Variants in ANKRD36C observed in about 807,000 individuals in gnomAD.
ANKRD36C encodes the protein ankyrin repeat domain 36C.
In ANKRD36C, 61 loss-of-function variants were observed where a neutral mutation model predicts 276.4. The observed-to-expected ratio is 0.22, with a 90% CI of 0.18 to 0.27. The LOEUF (loss-of-function observed/expected upper bound fraction) is 0.27. Ranked by LOEUF, ANKRD36C falls within the 10% of genes least tolerant of loss-of-function variation. The pLI is 1.00. For missense variants in ANKRD36C, 1,447 were observed against 2,032.3 expected (o/e 0.71, Z 5.54); for synonymous variants, 483 against 680.1 (o/e 0.71, Z 4.51).
intron 42 of ANKRD36C, among the ~76,000 whole-genome samples, chr2:95,911,066 T>A (rs1676907144): frequency 6.6e-6 from 1 of 151,494 alleles, no homozygotes; most frequent in Non-Finnish European, 1.5e-5. Flanking sequence ...ACACTTCACA[T>A]CTCTTCAGTG....
chr2:95,938,386 G>A (rs981561050), intron 22 of ANKRD36C, among the ~76,000 whole-genome samples: 4 of 152,242 alleles, frequency 2.6e-5, no homozygotes, highest in East Asian at 1.9e-4. Context: ...AACTCAATCC[G>A]GTAATCAGAA....
At chr2:95,893,553 T>C in intron 44 of ANKRD36C, 2 of 1,551,940 alleles carry the variant, frequency 1.3e-6, no homozygotes, top group East Asian at 2.4e-5. Flanking sequence ...TTTTTCTCCA[T>C]CCTTTTTTTC....
chr2:95,909,547 A>T (rs1050713152), intron 42 of ANKRD36C, among the ~76,000 whole-genome samples: 23 of 103,108 alleles, frequency 2.2e-4, no homozygotes, highest in Admixed American at 1.1e-3. Flanking sequence ...TTTCTAAAAT[A>T]GCCTTGTTGG....
At chr2:95,924,543 A>G (rs962413193) in intron 30 of ANKRD36C, among the ~76,000 whole-genome samples, 6 of 151,664 alleles carry the variant, frequency 4.0e-5, no homozygotes, top group African/African-American at 1.5e-4. Context: ...CTGCTCTGGA[A>G]TATCATTGTA....
At chr2:95,924,521 T>A (rs1447474730) in intron 30 of ANKRD36C, among the ~76,000 whole-genome samples, 1 of 151,698 alleles carries the variant, frequency 6.6e-6, no homozygotes, top group East Asian at 1.9e-4. Flanking sequence ...TATTTTTGTC[T>A]GCAAAATTAG....
intron 6 of ANKRD36C, among the ~76,000 whole-genome samples, chr2:95,969,778 G>C (rs1416254485): frequency 6.6e-6 from 1 of 152,076 alleles, no homozygotes; most frequent in East Asian, 1.9e-4. Flanking sequence ...AAAGTAGGGT[G>C]ACTATAGTAC....
At chr2:95,987,396 G>T (rs1159447108) in intron 1 of ANKRD36C, among the ~76,000 whole-genome samples, 190 bp from the exon 2 acceptor site, 2 of 151,936 alleles carry the variant, frequency 1.3e-5, no homozygotes, top group Non-Finnish European at 2.9e-5. Context: ...GTTTAATTGG[G>T]GCTTAAAATT....
At chr2:95,973,248 C>T (rs1229321828) in intron 6 of ANKRD36C, among the ~76,000 whole-genome samples, 3 of 151,960 alleles carry the variant, frequency 2.0e-5, no homozygotes, top group African/African-American at 7.3e-5. Flanking sequence ...CCCGTCTCTA[C>T]TAAAAATATA....
intron 34 of ANKRD36C, 61 bp downstream of exon 34, chr2:95,921,546 G>GGTAGA: frequency 6.4e-7 from 1 of 1,558,526 alleles, no homozygotes; most frequent in Non-Finnish European, 8.7e-7. Flanking sequence ...ATTTATTCGG[G>GGTAGA]GTAGAGAAGT....
At chr2:95,954,295 G>A (rs200349972) in intron 13 of ANKRD36C, among the ~76,000 whole-genome samples, 71 of 151,544 alleles carry the variant, frequency 4.7e-4, no homozygotes, top group South Asian at 1.9e-3. Context: ...TTATAATGGC[G>A]TGGCCAGACA....
exon 42 of ANKRD36C, chr2:95,912,315 G>A (rs1320864188): frequency 3.8e-6 from 6 of 1,584,640 alleles, no homozygotes; most frequent in Non-Finnish European, 5.1e-6. Flanking sequence ...ATCACTTGTA[G>A]CCTGAATGGA....
intron 24 of ANKRD36C, among the ~76,000 whole-genome samples, chr2:95,930,819 TC>T (rs1677545199): frequency 6.6e-6 from 1 of 150,382 alleles, no homozygotes; most frequent in South Asian, 2.1e-4. Flanking sequence ...AACACAGCTT[TC>T]CAAAAAAAAA....
chr2:95,915,190 G>T (rs977425097), intron 38 of ANKRD36C, among the ~76,000 whole-genome samples: 11 of 151,478 alleles, frequency 7.3e-5, no homozygotes, highest in African/African-American at 2.7e-4. Context: ...TTCTAAAGAA[G>T]TTTCATTAAA....
chr2:95,910,765 C>G (rs1676892533), intron 42 of ANKRD36C, among the ~76,000 whole-genome samples, 197 bp from the exon 45 acceptor site: 1 of 151,318 alleles, frequency 6.6e-6, no homozygotes, highest in Non-Finnish European at 1.5e-5. Flanking sequence ...ATGAAATATA[C>G]CCTTACAATT....
rs750521394 is a variant in ANKRD36C at position 95,925,353 on chromosome 2, T to C, written c.2040A>G (p.Thr680=). The change falls in exon 30 of 67, where the codon ACA becomes ACG. Residue 680 remains threonine (T), a splice_region_variant and synonymous_variant. Transcript: ENST00000456556. ...ATTAAATGTGTATTGCCAAATTACC[T>C]GTTCCAGATTTCCCACCGCCCGTTA... 8.9e-6 allele frequency: 14 copies of C among 1,576,758 alleles called. No homozygotes were observed. The South Asian group carries it at 1.5e-4, about 17-fold the overall frequency.
chr2:95,949,097 C>G (rs558720826), intron 16 of ANKRD36C, among the ~76,000 whole-genome samples: 9 of 152,228 alleles, frequency 5.9e-5, no homozygotes, highest in Non-Finnish European at 1.0e-4. Flanking sequence ...AGATCTTCAG[C>G]ATGTAAGCTA....
At position 95,953,790 on chromosome 2, in the gene ANKRD36C, T is replaced by C. The variant is rs983063666; in HGVS notation, c.1203+149A>G. On this transcript the variant is annotated intron_variant, in intron 14 of 66. Coordinates refer to ENST00000456556, the Ensembl canonical transcript of ANKRD36C. ...AGTAAAAAAAATTAAAATTAACCCC[T>C]CTCATTTCTTTAAAATGGTTTTCTC... The C allele has an allele frequency of 1.4e-4, 86 of 609,208 alleles. 2 individuals are homozygous for C. Among genetic ancestry groups the C allele is most frequent in the African/African-American group, 1.3e-3 (66 of 50,892 alleles). 37.7% of individuals were successfully genotyped at this position (609,208 alleles called of 1,614,324 possible). A position where few individuals can be genotyped will look rare whatever the true frequency, so the allele number is the denominator to read the frequency against.
At chr2:95,910,278 T>G in intron 42 of ANKRD36C, 95 bp downstream of exon 46, 1 of 1,325,334 alleles carries the variant, frequency 7.5e-7, no homozygotes, top group Non-Finnish European at 1.0e-6. Flanking sequence ...AATCAGAAAG[T>G]GCAGCTTCGA....
chr2:95,954,544 C>T (rs1237154042), intron 13 of ANKRD36C, among the ~76,000 whole-genome samples: 1 of 152,126 alleles, frequency 6.6e-6, no homozygotes, highest in Non-Finnish European at 1.5e-5. Context: ...ATTCTTTTCA[C>T]CCTAGAACAC....
Sources: gnomAD v4.1 joint callset for allele counts (sites outside exome capture counted in the v4.1 genomes callset) on GRCh38, gnomAD v4.1.1 for gene constraint, MANE v1.5 for transcripts, NCBI Gene and HGNC (gene_info 2026-07-23, HGNC 2026-07-21) for gene names.